The following PLXNA4 variants were observed in gnomAD, a reference collection of about 807,000 sequenced individuals.
PLXNA4 encodes plexin-A4.
A neutral mutation model predicts 191.8 loss-of-function variants in PLXNA4; 44 were observed. The observed-to-expected ratio is 0.23, with a 90% confidence interval of 0.18 to 0.29. The LOEUF is 0.29. Among genes scored for constraint, PLXNA4 ranks in the 10% least tolerant of loss-of-function variants. PLXNA4 has a pLI of 1.00. For missense variants in PLXNA4, 1,800 were observed against 2,488.8 expected (o/e 0.72, Z 5.89); for synonymous variants, 1,082 against 1,009.5 (o/e 1.07, Z -1.36).
chr7:132,386,860 C>T (rs1458620182), intron 3 of PLXNA4, among the ~76,000 whole-genome samples: 2 of 152,188 alleles, frequency 1.3e-5, no homozygotes, highest in Non-Finnish European at 1.5e-5. Flanking sequence ...CTGCAAAGCA[C>T]ATCACATGTC....
chr7:132,382,390 G>A (rs189720141), intron 3 of PLXNA4, among the ~76,000 whole-genome samples: 8 of 152,194 alleles, frequency 5.3e-5, no homozygotes, highest in African/African-American at 1.9e-4. Context: ...GCTGCCTTCA[G>A]GCTGTCATGC....
At chr7:132,479,166 G>A (rs1484808177) in intron 3 of PLXNA4, among the ~76,000 whole-genome samples, 5 of 151,870 alleles carry the variant, frequency 3.3e-5, no homozygotes, top group Admixed American at 1.3e-4. Flanking sequence ...GTACTTCGGC[G>A]ACTGAGACAG....
chr7:132,305,881 T>C (rs1801499657), intron 3 of PLXNA4, among the ~76,000 whole-genome samples: 1 of 151,668 alleles, frequency 6.6e-6, no homozygotes, highest in African/African-American at 2.4e-5. Context: ...TCCCCAAACT[T>C]CCTAATGGAG....
rs1796695180 is a variant in PLXNA4 at position 132,181,308 on chromosome 7, G to A, written c.3492+73C>T. On this transcript the variant is annotated intron_variant, in intron 18 of 31. Transcript: ENST00000321063. ...TGGTTGAGAAATGTGGCAGGAGTCT[G>A]TGACTTGAACACCCCCTTCCATGCA... is the stretch of plus-strand genomic sequence containing the variant. 5 of 1,589,778 alleles carry A rather than the reference G, an allele frequency of 3.1e-6. No homozygotes were observed. The Admixed American group carries it at 6.8e-5, about 22-fold the overall frequency.
intron 3 of PLXNA4, among the ~76,000 whole-genome samples, chr7:132,472,378 C>T (rs1402487311): frequency 6.6e-6 from 1 of 152,200 alleles, no homozygotes; most frequent in African/African-American, 2.4e-5. Flanking sequence ...CTGGATTCTT[C>T]ATATCTACCA....
chr7:132,398,377 A>G (rs1793844808), intron 3 of PLXNA4, among the ~76,000 whole-genome samples: 1 of 152,228 alleles, frequency 6.6e-6, no homozygotes. Flanking sequence ...TGAATAGCCC[A>G]TGTCCTCACT....
chr7:132,131,349 G>A (rs1003601197), intron 31 of PLXNA4, among the ~76,000 whole-genome samples: 8 of 152,106 alleles, frequency 5.3e-5, no homozygotes, highest in Non-Finnish European at 8.8e-5. Flanking sequence ...AACACTCAAC[G>A]TCCTCAACTG....
In PLXNA4 at chr7:132,178,835, TACACATATATACACACACACACAC is replaced by T. The variant is rs1473538853; in HGVS notation, c.3874+828_3874+851del. On this transcript the variant is annotated intron_variant, in intron 20 of 31. Coordinates refer to ENST00000321063, the MANE Select transcript of PLXNA4 (RefSeq NM_020911.2). The stretch of plus-strand genomic sequence containing the variant: ...TGCTTGTAAATGAAACACATACACA[TACACATATATACACACACACACAC>T]ACACACACACACACAGCCTCCAGCA... 1.2e-3 allele frequency among the ~76,000 whole-genome samples: 100 copies of T among 83,076 alleles called. 1 individual carries two copies. The highest frequency in any genetic ancestry group is 4.8e-3 in the African/African-American group (60 of 12,510). 54.5% of individuals were successfully genotyped at this position (83,076 alleles called of 152,430 possible).
rs370417043 is a variant in PLXNA4 at position 132,402,163 on chromosome 7, T to G, written c.1371+87129A>C. Among the ~76,000 whole-genome samples, 8 of 152,266 alleles carry G rather than the reference T, an allele frequency of 5.3e-5. No homozygotes were observed. The South Asian group carries it at 8.3e-4, about 16-fold the overall frequency. ...CCTAGAGTAATCATGCAACACCTCTTTATTCTTATTTTATACACAAGTCTA... is the reference window on the plus strand; with the variant it reads ...CCTAGAGTAATCATGCAACACCTCTGTATTCTTATTTTATACACAAGTCTA... On this transcript the variant is annotated intron_variant, in intron 3 of 31. Transcript: ENST00000321063.
chr7:132,389,999 G>C (rs1242293263), intron 3 of PLXNA4, among the ~76,000 whole-genome samples: 1 of 152,170 alleles, frequency 6.6e-6, no homozygotes, highest in Non-Finnish European at 1.5e-5. Context: ...CATTGTGAAA[G>C]ACAGTGTGGA....
At chr7:132,377,075 C>T (rs914131604) in intron 3 of PLXNA4, among the ~76,000 whole-genome samples, 4 of 152,098 alleles carry the variant, frequency 2.6e-5, no homozygotes, top group Admixed American at 6.5e-5. Flanking sequence ...CACTAGATTC[C>T]CCAGATGTTT....
intron 21 of PLXNA4, among the ~76,000 whole-genome samples, chr7:132,169,258 GGAA>G (rs1464467553): frequency 6.6e-6 from 1 of 152,234 alleles, no homozygotes; most frequent in Non-Finnish European, 1.5e-5. Context: ...CAGGGGAAGA[GGAA>G]GAAGATGGTC....
intron 3 of PLXNA4, among the ~76,000 whole-genome samples, chr7:132,382,840 TGTGG>T (rs973310752): frequency 1.2e-4 from 18 of 152,190 alleles, no homozygotes; most frequent in African/African-American, 4.3e-4. Context: ...CATATATATG[TGTGG>T]GTGTGCATGT....
intron 7 of PLXNA4, 86 bp from the exon 8 acceptor site, chr7:132,226,346 G>T: frequency 8.4e-7 from 1 of 1,192,454 alleles, no homozygotes; most frequent in East Asian, 2.4e-5. Context: ...CTGGAAAAGG[G>T]AGCCTGCTCC....
chr7:132,568,416 C>T (rs1430234536), intron 1 of PLXNA4, among the ~76,000 whole-genome samples: 1 of 152,202 alleles, frequency 6.6e-6, no homozygotes, highest in Non-Finnish European at 1.5e-5. Context: ...AGTGTTGACA[C>T]AGACTCGTGA....
intron 1 of PLXNA4, among the ~76,000 whole-genome samples, chr7:132,561,747 TTCTCCTCCTC>T (rs1585340391): frequency 1.5e-5 from 2 of 134,904 alleles, no homozygotes; most frequent in Non-Finnish European, 3.2e-5. Flanking sequence ...CTCCTCCTTC[TTCTCCTCCTC>T]CTCCTTCTCC....
chr7:132,450,780 T>C (rs1284708216), intron 3 of PLXNA4, among the ~76,000 whole-genome samples: 1 of 152,186 alleles, frequency 6.6e-6, no homozygotes, highest in Non-Finnish European at 1.5e-5. Flanking sequence ...CTCTCTGAGA[T>C]TCTGGAGTAT....
chr7:132,202,953 T>G (rs1241443556), intron 11 of PLXNA4, 117 bp from the exon 12 acceptor site: 2 of 1,113,194 alleles, frequency 1.8e-6, no homozygotes, highest in Non-Finnish European at 2.5e-6. Context: ...ACAAAGGCAG[T>G]TTTGCCCCCT....
intron 2 of PLXNA4, among the ~76,000 whole-genome samples, chr7:132,642,091 A>T (rs1803755303): frequency 6.6e-6 from 1 of 152,194 alleles, no homozygotes; most frequent in Non-Finnish European, 1.5e-5. Context: ...AGCAAATTGC[A>T]AAGTGTGACA....
Sources: gnomAD v4.1 joint callset for allele counts (sites outside exome capture counted in the v4.1 genomes callset) on GRCh38, gnomAD v4.1.1 for gene constraint, MANE v1.5 for transcripts, NCBI Gene and HGNC (gene_info 2026-07-23, HGNC 2026-07-21) for gene names.